PRKCH: variants seen among roughly 807,000 people sequenced by gnomAD.
PRKCH encodes the protein protein kinase C eta type.
In PRKCH, 28 loss-of-function variants were observed where a neutral mutation model predicts 82.5. The observed-to-expected ratio is 0.34, with a 90% CI of 0.25 to 0.47. The LOEUF (loss-of-function observed/expected upper bound fraction) is 0.47, where lower values mean the gene tolerates loss of function less well. PRKCH is among the 20% of genes least tolerant of loss of function. The pLI, the probability that PRKCH is intolerant of heterozygous loss-of-function variation, is 1.00. For synonymous variants in PRKCH, 322 were observed against 327.4 expected, an observed-to-expected ratio of 0.98 and a Z score of 0.18; for missense variants, 705 against 881.8, an observed-to-expected ratio of 0.80 and a Z score of 2.54.
At chr14:61,237,242 CA>C (rs567714882) in intron 1 of PRKCH, among the ~76,000 whole-genome samples, 383 of 93,652 alleles carry the variant, frequency 4.1e-3, no homozygotes, top group Admixed American at 5.2e-3. Flanking sequence ...GACTCTGTTT[CA>C]AAAAAAAAAA....
At chr14:61,194,664 AT>A in intron 1 of PRKCH, among the ~76,000 whole-genome samples, 1 of 152,216 alleles carries the variant, frequency 6.6e-6, no homozygotes, top group Non-Finnish European at 1.5e-5. Context: ...TATTTTGGCT[AT>A]TGTTATTGTT....
intron 9 of PRKCH, among the ~76,000 whole-genome samples, chr14:61,470,489 TC>T (rs1885453096): frequency 6.6e-6 from 1 of 152,136 alleles, no homozygotes; most frequent in Non-Finnish European, 1.5e-5. Context: ...TCTTTTTCCT[TC>T]CTTCCCCGTA....
At chr14:61,262,475 A>G (rs988499219) in intron 1 of PRKCH, among the ~76,000 whole-genome samples, 37 of 152,220 alleles carry the variant, frequency 2.4e-4, no homozygotes, top group African/African-American at 8.2e-4. Context: ...AAGTCTACAA[A>G]TGGGCAAAAT....
At chr14:61,431,191 A>G (rs763274670) in intron 2 of PRKCH, among the ~76,000 whole-genome samples, 6 of 152,140 alleles carry the variant, frequency 3.9e-5, no homozygotes, top group Admixed American at 6.5e-5. Context: ...AAAATGCCTC[A>G]AATGAACATG....
chr14:61,425,344 G>A lies in PRKCH; in HGVS notation c.428-17767G>A, dbSNP rs112085652. Among the ~76,000 whole-genome samples, 944 of 152,328 alleles carry A rather than the reference G, an allele frequency of 6.2e-3. 9 individuals are homozygous for A. The highest frequency in any genetic ancestry group is 1.0e-2 in the Non-Finnish European group (679 of 68,030). On this transcript the variant is annotated intron_variant, in intron 2 of 13. Coordinates refer to ENST00000332981, the MANE Select transcript of PRKCH (RefSeq NM_006255.5). ...GGATATACCCTGCAGAGCCACAGTG[G>A]TAGAGCTGCCCAAGGCTATGGGAGC...
At chr14:61,339,017 G>A (rs1252619556) in intron 1 of PRKCH, among the ~76,000 whole-genome samples, 3 of 152,062 alleles carry the variant, frequency 2.0e-5, no homozygotes, top group African/African-American at 7.2e-5. Flanking sequence ...TGATACTTAC[G>A]TTAAAAGGAA....
chr14:61,343,379 A>G (rs2045952770), intron 1 of PRKCH, among the ~76,000 whole-genome samples: 1 of 151,400 alleles, frequency 6.6e-6, no homozygotes. Flanking sequence ...AAAAAAAGGA[A>G]AAACAGACAC....
chr14:61,339,409 T>C (rs939873723), intron 1 of PRKCH, among the ~76,000 whole-genome samples: 6 of 149,762 alleles, frequency 4.0e-5, no homozygotes, highest in African/African-American at 4.9e-5. Flanking sequence ...CTGCAAGCTT[T>C]GCCTCCCGGG....
intron 1 of PRKCH, among the ~76,000 whole-genome samples, chr14:61,257,631 C>CACACACACA (rs2045010075): frequency 2.4e-5 from 1 of 42,190 alleles, no homozygotes; most frequent in African/African-American, 8.3e-5. Context: ...ACACACACAC[C>CACACACACA]CCCACACACA....
chr14:61,526,313 G>A (rs549795835), intron 10 of PRKCH, among the ~76,000 whole-genome samples: 1 of 152,344 alleles, frequency 6.6e-6, no homozygotes, highest in African/African-American at 2.4e-5. Flanking sequence ...TTGCTTCGCT[G>A]AAGTGGGTGC....
intron 9 of PRKCH, among the ~76,000 whole-genome samples, chr14:61,478,984 A>C (rs1885849312): frequency 6.6e-6 from 1 of 152,238 alleles, no homozygotes; most frequent in African/African-American, 2.4e-5. Context: ...ATAAAGATTC[A>C]GAGGTACAAC....
intron 1 of PRKCH, among the ~76,000 whole-genome samples, chr14:61,292,488 A>G (rs1258287306): frequency 1.3e-5 from 2 of 151,422 alleles, no homozygotes; most frequent in Non-Finnish European, 2.9e-5. Context: ...AAAAAAGACA[A>G]AACAAGCTGG....
At chr14:61,320,613 A>ACAACAG (rs1476877884), upstream of PRKCH, among the ~76,000 whole-genome samples, 4 of 151,860 alleles carry the variant, frequency 2.6e-5, no homozygotes, top group Non-Finnish European at 2.9e-5. Flanking sequence ...AACAACAACA[A>ACAACAG]CAACAACAAC....
intron 1 of PRKCH, chr14:61,306,455 C>A (rs1371099532): frequency 6.6e-6 from 1 of 152,214 alleles, no homozygotes; most frequent in East Asian, 1.9e-4. Flanking sequence ...TCCATACTTC[C>A]TTGGATTCCA....
intron 1 of PRKCH, among the ~76,000 whole-genome samples, chr14:61,237,574 C>G (rs2044800905): frequency 6.6e-6 from 1 of 152,228 alleles, no homozygotes; most frequent in Non-Finnish European, 1.5e-5. Context: ...TTGGTCTCCA[C>G]AACCCCTTAT....
chr14:61,447,020 G>A (rs1457198635), intron 4 of PRKCH, among the ~76,000 whole-genome samples: 3 of 152,200 alleles, frequency 2.0e-5, no homozygotes, highest in Non-Finnish European at 4.4e-5. Flanking sequence ...CACCACTTTG[G>A]TGATGTCTCC....
intron 2 of PRKCH, among the ~76,000 whole-genome samples, chr14:61,395,053 A>G (rs374103107): frequency 1.3e-5 from 2 of 152,198 alleles, no homozygotes; most frequent in African/African-American, 4.8e-5. Flanking sequence ...TGCTTTATCC[A>G]TGAGAAATAG....
At chr14:61,454,550 T>G (rs1442240963) in intron 7 of PRKCH, among the ~76,000 whole-genome samples, 1 of 152,186 alleles carries the variant, frequency 6.6e-6, no homozygotes, top group Non-Finnish European at 1.5e-5. Context: ...TCTAAAGCGG[T>G]TCAACTTGAA....
chr14:61,436,438 T>A (rs2025525), intron 2 of PRKCH, among the ~76,000 whole-genome samples: 81,533 of 126,048 alleles, frequency 0.65, 25,340 homozygotes, highest in Non-Finnish European at 0.75. Context: ...TATCTGAGTT[T>A]GGAAATAACT....
Sources: allele counts gnomAD v4.1 joint callset (sites outside exome capture counted in the v4.1 genomes callset), GRCh38; gene constraint gnomAD v4.1.1; transcripts MANE v1.5; gene names NCBI Gene and HGNC (gene_info 2026-07-23, HGNC 2026-07-21).